NADSYN1: variants seen among roughly 807,000 people sequenced by gnomAD.
The protein encoded by NADSYN1 is NAD synthetase 1, also known as glutamine-dependent NAD(+) synthetase.
Under a neutral mutation model 99.3 loss-of-function variants are expected in NADSYN1, and 80 were observed. That is an observed-to-expected ratio of 0.81 (90% confidence interval 0.67 to 0.97). The LOEUF (loss-of-function observed/expected upper bound fraction) is 0.97, where lower values mean the gene tolerates loss of function less well. NADSYN1 is among the 50% of genes least tolerant of loss of function. NADSYN1 has a pLI of 0.00. For missense variants in NADSYN1, 859 were observed against 948.5 expected, an observed-to-expected ratio of 0.91 and a Z score of 1.24; for synonymous variants, 385 against 372.1, an observed-to-expected ratio of 1.03 and a Z score of -0.40.
At position 71,498,435 on chromosome 11, in the gene NADSYN1, C is replaced by T. The variant is rs143948838; in HGVS notation, c.1977C>T (p.Ala659=). ...KMTTLTPAYH[A]ENYSPEDNRF... ...CCACGCTCACACCCGCGTACCACGC[C>T]GAGAACTACAGCCCTGAGGACAACA... Residue 659 remains alanine (A), a synonymous_variant, in exon 20 of 21, where the codon GCC becomes GCT. Coordinates refer to ENST00000319023, the MANE Select transcript of NADSYN1 (RefSeq NM_018161.5). The T allele has an allele frequency of 9.3e-6, 15 of 1,614,076 alleles. No homozygotes were observed. Among genetic ancestry groups the T allele is most frequent in the South Asian group, 3.3e-5 (3 of 91,088 alleles).
intron 2 of NADSYN1, among the ~76,000 whole-genome samples, chr11:71,455,976 A>G (rs1489518834): frequency 6.6e-6 from 1 of 152,236 alleles, no homozygotes; most frequent in South Asian, 2.1e-4. Context: ...GCCACGTTGT[A>G]AGTCTCTTGT....
intron 15 of NADSYN1, 29 bp downstream of exon 15, chr11:71,484,476 G>A: frequency 1.2e-6 from 2 of 1,600,904 alleles, no homozygotes; most frequent in South Asian, 2.2e-5. Context: ...GCGTCCCCTG[G>A]GGGTGGGGGT....
At chr11:71,464,614 T>C (rs1479973422) in intron 5 of NADSYN1, 3 of 152,864 alleles carry the variant, frequency 2.0e-5, no homozygotes, top group Admixed American at 6.5e-5. Flanking sequence ...ACGCCTGTAA[T>C]CCCAGCACTT....
At chr11:71,473,957 T>C (rs770563197) in intron 8 of NADSYN1, among the ~76,000 whole-genome samples, 19 of 152,192 alleles carry the variant, frequency 1.2e-4, no homozygotes, top group Non-Finnish European at 2.9e-5. Flanking sequence ...GTTGGCATCA[T>C]GGTGAGGCGT....
intron 10 of NADSYN1, 52 bp downstream of exon 10, chr11:71,478,521 G>A (rs1364336063): frequency 1.3e-6 from 2 of 1,522,536 alleles, no homozygotes; most frequent in Non-Finnish European, 1.8e-6. Flanking sequence ...GACGTGGAAA[G>A]TGGCCCCATT....
chr11:71,499,143 A>T (rs1949840875), intron 20 of NADSYN1: 1 of 152,706 alleles, frequency 6.5e-6, no homozygotes, highest in Non-Finnish European at 1.5e-5. Flanking sequence ...AAGGCTGCAT[A>T]GTTCTCCACT....
intron 16 of NADSYN1, among the ~76,000 whole-genome samples, chr11:71,487,494 G>A (rs960634110): frequency 1.3e-5 from 2 of 152,104 alleles, no homozygotes; most frequent in African/African-American, 4.8e-5. Context: ...TCCAGGGTGG[G>A]ATTGGGTTCT....
chr11:71,478,737 C>T, intron 10 of NADSYN1: 1 of 420,466 alleles, frequency 2.4e-6, no homozygotes, highest in Non-Finnish European at 4.5e-6. Flanking sequence ...AGTCAGCGTG[C>T]TAGGGGCTGC....
chr11:71,482,019 A>C lies in NADSYN1; in HGVS notation c.1144A>C (p.Ser382Arg). The change falls in exon 13 of 21, where the codon AGT becomes CGT. Residue 382 changes from serine (S) to arginine (R), a missense_variant. Physicochemically the swap from Ser to Arg is moderately radical, Grantham distance 110 (BLOSUM62 -1). Coordinates refer to ENST00000319023, the MANE Select transcript of NADSYN1 (RefSeq NM_018161.5). ...CTGCCAGGTCTGCGAGGCCGTGAGG[A>C]GTGGAAGTAGGTGACATCTGTTGGC... ...MCCQVCEAVR[S>R]GNEEVLADVR... is the part of the protein sequence containing the mutation. 1 of 1,609,528 alleles carries C rather than the reference A, an allele frequency of 6.2e-7. No homozygotes were observed. Among genetic ancestry groups the C allele is most frequent in the African/African-American group, 1.3e-5 (1 of 74,868 alleles).
chr11:71,472,531 A>G, intron 6 of NADSYN1, 31 bp downstream of exon 6: 1 of 1,598,694 alleles, frequency 6.3e-7, no homozygotes, highest in Non-Finnish European at 8.6e-7. Context: ...CCCGTTTTTC[A>G]GTCGGTTGTC....
chr11:71,481,566 A>T (rs1949708216), intron 12 of NADSYN1, 162 bp downstream of exon 12: 1 of 724,164 alleles, frequency 1.4e-6, no homozygotes, highest in Admixed American at 2.8e-5. Context: ...TGCTAGCCAG[A>T]GGCAAGGTGG....
intron 9 of NADSYN1, chr11:71,475,948 A>T (rs546952892): frequency 8.5e-5 from 38 of 448,540 alleles, no homozygotes. Flanking sequence ...TCCTGAGCTC[A>T]GGCAATCCAC....
At chr11:71,488,380 A>G (rs931225408) in intron 16 of NADSYN1, among the ~76,000 whole-genome samples, 1 of 151,960 alleles carries the variant, frequency 6.6e-6, no homozygotes, top group African/African-American at 2.4e-5. Flanking sequence ...GGGTTTCATA[A>G]AGGCCTGCGG....
chr11:71,467,402 A>T (rs527650016), intron 5 of NADSYN1, among the ~76,000 whole-genome samples: 1 of 152,316 alleles, frequency 6.6e-6, no homozygotes, highest in East Asian at 1.9e-4. Context: ...GAGTCCAGTC[A>T]TAAAACATAC....
chr11:71,461,461 C>T (rs571108947), intron 3 of NADSYN1, among the ~76,000 whole-genome samples: 1 of 152,262 alleles, frequency 6.6e-6, no homozygotes, highest in South Asian at 2.1e-4. Context: ...CAGAGTCTCA[C>T]TCTGTCGCAC....
At chr11:71,459,174 T>A (rs1441383576) in intron 3 of NADSYN1, 2 of 149,286 alleles carry the variant, frequency 1.3e-5, no homozygotes, top group Non-Finnish European at 2.8e-5. Context: ...GCATAGCCAG[T>A]CCCTGTGGAG....
intron 14 of NADSYN1, among the ~76,000 whole-genome samples, chr11:71,483,901 C>T (rs1949725331): frequency 1.3e-5 from 2 of 152,174 alleles, no homozygotes; most frequent in Admixed American, 1.3e-4. Flanking sequence ...TGAGGAGAAA[C>T]CTTGAAGACA....
intron 18 of NADSYN1, among the ~76,000 whole-genome samples, chr11:71,493,887 T>C (rs1232932190): frequency 6.6e-6 from 1 of 152,170 alleles, no homozygotes; most frequent in Non-Finnish European, 1.5e-5. Context: ...ATCCCAGCAC[T>C]TTGGGAGGCT....
At chr11:71,491,479 G>C (rs1467678900) in intron 17 of NADSYN1, among the ~76,000 whole-genome samples, 1 of 152,250 alleles carries the variant, frequency 6.6e-6, no homozygotes, top group Non-Finnish European at 1.5e-5. Flanking sequence ...GTGTTAGCAG[G>C]TAGAGGCCAG....
Sources: gnomAD v4.1 joint callset for allele counts (sites outside exome capture counted in the v4.1 genomes callset) on GRCh38, gnomAD v4.1.1 for gene constraint, MANE v1.5 for transcripts, NCBI Gene and HGNC (gene_info 2026-07-23, HGNC 2026-07-21) for gene names.